The following TTC34 variants were observed in gnomAD, a reference collection of about 807,000 sequenced individuals.
The protein encoded by TTC34 is tetratricopeptide repeat protein 34.
A neutral mutation model predicts 40.7 loss-of-function variants in TTC34; 44 were observed. That is an observed-to-expected ratio of 1.08 (90% CI 0.85 to 1.39). The LOEUF (loss-of-function observed/expected upper bound fraction) is 1.39. Among genes scored for constraint, TTC34 ranks in the 40% most tolerant of loss-of-function variants. TTC34 has a pLI of 0.00. For synonymous variants in TTC34, 422 were observed against 398.6 expected (o/e 1.06, Z -0.70); for missense variants, 884 against 838.0 (o/e 1.05, Z -0.68).
rs1230110450 is a variant in TTC34, at chr1:2,750,856, A to T, written c.2226+32753T>A. Among the ~76,000 whole-genome samples the T allele has an allele frequency of 1.6e-5, 2 of 125,626 alleles. 1 individual carries two copies. Among genetic ancestry groups the T allele is most frequent in the Non-Finnish European group, 3.2e-5 (2 of 61,722 alleles). 82.4% of individuals were successfully genotyped at this position (125,626 alleles called of 152,430 possible). A position where few individuals can be genotyped will look rare whatever the true frequency, so the allele number is the denominator to read the frequency against. On this transcript the variant is annotated intron_variant, in intron 6 of 8. Coordinates refer to ENST00000401095, the Ensembl canonical transcript of TTC34. The stretch of plus-strand genomic sequence containing the variant: ...GGAGCAGTACCCACACACCCAGGTG[A>T]GCATCTGACAGCGTGGAGCAGCACC...
intron 6 of TTC34, among the ~76,000 whole-genome samples, chr1:2,782,064 A>C (rs1184703728): frequency 3.3e-5 from 5 of 152,114 alleles, no homozygotes; most frequent in Non-Finnish European, 1.5e-5. Flanking sequence ...TTTTTTGGAA[A>C]AGTTTGAGGA....
intron 6 of TTC34, 99 bp downstream of exon 6, chr1:2,783,510 T>A: frequency 8.2e-7 from 1 of 1,218,066 alleles, no homozygotes; most frequent in Non-Finnish European, 1.1e-6. Context: ...CTGCTCAGGA[T>A]GGCCTACCCG....
intron 6 of TTC34, chr1:2,775,342 A>G (rs1569888778): frequency 6.7e-6 from 1 of 149,808 alleles, no homozygotes; most frequent in African/African-American, 2.5e-5. Context: ...CTGGAACAGA[A>G]CCCCGCTCTT....
intron 2 of TTC34, among the ~76,000 whole-genome samples, chr1:2,799,139 C>T (rs1171015627): frequency 2.0e-5 from 3 of 151,928 alleles, no homozygotes; most frequent in African/African-American, 7.3e-5. Context: ...CCCAGCCTCC[C>T]AGCCTCCTAG....
intron 6 of TTC34, among the ~76,000 whole-genome samples, chr1:2,751,881 C>A (rs1288960193): frequency 5.2e-5 from 6 of 116,092 alleles, no homozygotes; most frequent in South Asian, 6.2e-4. Flanking sequence ...CCTGGAGCAG[C>A]ACCCACACCC....
chr1:2,641,617 T>C, exon 9 of TTC34: 1 of 1,534,414 alleles, frequency 6.5e-7, no homozygotes, highest in Non-Finnish European at 8.7e-7. Context: ...CAAAGGCCCC[T>C]GCGGCCGCCG....
At chr1:2,768,041 A>T in intron 6 of TTC34, among the ~76,000 whole-genome samples, 1 of 150,996 alleles carries the variant, frequency 6.6e-6, no homozygotes, top group Non-Finnish European at 1.5e-5. Flanking sequence ...ACAGCACCCC[A>T]CAACCCCAGG....
chr1:2,751,861 C>T (rs1259366314), intron 6 of TTC34, among the ~76,000 whole-genome samples: 1 of 109,906 alleles, frequency 9.1e-6, no homozygotes, highest in Non-Finnish European at 1.8e-5. Flanking sequence ...CCCAAGTGAG[C>T]ATCCGACAGC....
At chr1:2,787,570 C>T (rs1029750218) in exon 4 of TTC34, 1 of 1,546,408 alleles carries the variant, frequency 6.5e-7, no homozygotes, top group African/African-American at 1.4e-5. Context: ...CGGGATAGGG[C>T]CACCAGCAGG....
intron 6 of TTC34, among the ~76,000 whole-genome samples, chr1:2,684,594 T>C (rs77296131): frequency 5.2e-3 from 178 of 34,188 alleles, no homozygotes; most frequent in South Asian, 0.013. Flanking sequence ...GCAACACCCA[T>C]ACCCCCAGGT....
intron 6 of TTC34, among the ~76,000 whole-genome samples, chr1:2,652,527 C>T (rs574467215): frequency 4.6e-5 from 2 of 43,438 alleles, no homozygotes; most frequent in East Asian, 7.6e-4. Flanking sequence ...ACCCACACCT[C>T]CAGGCGAGCA....
At chr1:2,794,348 T>C (rs962806000) in intron 2 of TTC34, among the ~76,000 whole-genome samples, 1 of 152,212 alleles carries the variant, frequency 6.6e-6, no homozygotes. Flanking sequence ...TTTTATACTT[T>C]TTCCATAAAG....
At chr1:2,753,336 C>T (rs1243163544) in intron 6 of TTC34, among the ~76,000 whole-genome samples, 3 of 120,348 alleles carry the variant, frequency 2.5e-5, no homozygotes, top group East Asian at 2.9e-4. Context: ...TCACCCACAC[C>T]CCCAGACGAG....
At chr1:2,696,462 TGGATCTGCACCCACACTCCC>T (rs2100391978) in intron 6 of TTC34, among the ~76,000 whole-genome samples, 1 of 44,464 alleles carries the variant, frequency 2.2e-5, no homozygotes. Flanking sequence ...TGTGACAGCC[TGGATCTGCACCCACACTCCC>T]AGGCGAGCAT....
Position 2,648,295 on chromosome 1 carries a change from T to G in TTC34, c.2227-2732A>C, listed in dbSNP as rs74676058. On this transcript the variant is annotated intron_variant, in intron 6 of 8. Transcript: ENST00000401095. ...TCCTGCAAGGGGGCTGATTTCACTC[T>G]GGGGGGCAGGTAGATTACTGGTGGA... Among the ~76,000 whole-genome samples the G allele has an allele frequency of 4.7e-3, 713 of 152,216 alleles. 6 individuals are homozygous for G. The highest frequency in any genetic ancestry group is 0.016 in the African/African-American group (652 of 41,546).
intron 6 of TTC34, among the ~76,000 whole-genome samples, chr1:2,675,222 C>A (rs1488406903): frequency 6.9e-6 from 1 of 144,448 alleles, no homozygotes; most frequent in African/African-American, 2.6e-5. Flanking sequence ...CATCTGAGAG[C>A]CTGGAACAGC....
chr1:2,751,084 C>T (rs1295860745), intron 6 of TTC34, among the ~76,000 whole-genome samples: 1 of 92,726 alleles, frequency 1.1e-5, no homozygotes, highest in Non-Finnish European at 2.0e-5. Flanking sequence ...ACACCTCCCA[C>T]ATGCCCAGCT....
intron 6 of TTC34, among the ~76,000 whole-genome samples, chr1:2,752,232 C>A (rs1430237126): frequency 1.7e-5 from 2 of 114,804 alleles, no homozygotes; most frequent in Non-Finnish European, 3.4e-5. Context: ...ATCTGACAGA[C>A]TGGAACAGCT....
rs1247421561 is a variant in TTC34, at chr1:2,756,053, C to T, written c.2226+27556G>A. On this transcript the variant is annotated intron_variant, in intron 6 of 8. Coordinates refer to ENST00000401095, the Ensembl canonical transcript of TTC34. ...CAGGCGAGCATCTGACAACCTGGAA[C>T]AGCACCCATACGCCAAGATGAGCAT... Among the ~76,000 whole-genome samples the T allele has an allele frequency of 8.8e-5, 7 of 79,764 alleles. 1 individual carries two copies. The highest frequency in any genetic ancestry group is 1.9e-4 in the African/African-American group (2 of 10,372). 52.3% of individuals were successfully genotyped at this position (79,764 alleles called of 152,430 possible).
Sources: allele counts gnomAD v4.1 joint callset (sites outside exome capture counted in the v4.1 genomes callset), GRCh38; gene constraint gnomAD v4.1.1; transcripts MANE v1.5; gene names NCBI Gene and HGNC (gene_info 2026-07-23, HGNC 2026-07-21).